Variants in EXOC4 observed in about 807,000 individuals in gnomAD.
EXOC4 encodes the protein SEC8-like 1.
In EXOC4, 71 loss-of-function variants were observed where a neutral mutation model predicts 107.2. The observed-to-expected ratio is 0.66, with a 90% CI of 0.55 to 0.81. The LOEUF (loss-of-function observed/expected upper bound fraction) is 0.81. Ranked by LOEUF, EXOC4 falls within the 30% of genes least tolerant of loss-of-function variation. EXOC4 has a pLI of 0.00. For missense variants in EXOC4, 1,108 were observed against 1,189.6 expected (o/e 0.93, Z 1.01); for synonymous variants, 456 against 441.2 (o/e 1.03, Z -0.42).
chr7:133,439,888 T>C (rs987900882), intron 7 of EXOC4, among the ~76,000 whole-genome samples: 1 of 152,216 alleles, frequency 6.6e-6, no homozygotes, highest in Non-Finnish European at 1.5e-5. Context: ...TCAGGGAGAC[T>C]ATAACTCATT....
intron 17 of EXOC4, among the ~76,000 whole-genome samples, chr7:134,057,674 AGT>A (rs1445634356): frequency 1.3e-5 from 2 of 152,116 alleles, no homozygotes; most frequent in East Asian, 3.9e-4. Context: ...ACTTGTTCAG[AGT>A]GTTTTCAAGT....
intron 9 of EXOC4, among the ~76,000 whole-genome samples, chr7:133,493,022 T>G (rs190171535): frequency 7.2e-5 from 11 of 152,302 alleles, no homozygotes; most frequent in African/African-American, 2.4e-4. Context: ...TTGGGCACAG[T>G]AACTCCTTCT....
chr7:133,492,072 G>A (rs1016791656), intron 9 of EXOC4, among the ~76,000 whole-genome samples: 3 of 152,172 alleles, frequency 2.0e-5, no homozygotes, highest in African/African-American at 7.2e-5. Context: ...GTCCTCCAAA[G>A]GTTTAAAGTA....
intron 7 of EXOC4, among the ~76,000 whole-genome samples, chr7:133,408,300 A>G (rs1407340136): frequency 7.5e-6 from 1 of 133,632 alleles, no homozygotes; most frequent in Non-Finnish European, 1.6e-5. Context: ...GTGATGATGG[A>G]GGTATTGGTG....
At chr7:133,898,467 C>T (rs959193145) in intron 12 of EXOC4, among the ~76,000 whole-genome samples, 2 of 151,938 alleles carry the variant, frequency 1.3e-5, no homozygotes, top group Non-Finnish European at 2.9e-5. Flanking sequence ...AAACTTAGGC[C>T]CGATGCAGTG....
chr7:133,928,114 T>C (rs957634887), intron 13 of EXOC4, among the ~76,000 whole-genome samples: 1 of 152,258 alleles, frequency 6.6e-6, no homozygotes, highest in Non-Finnish European at 1.5e-5. Context: ...ATTTTAGATA[T>C]AATTATTTAA....
At chr7:133,511,025 C>A (rs1346134881) in intron 9 of EXOC4, among the ~76,000 whole-genome samples, 1 of 151,630 alleles carries the variant, frequency 6.6e-6, no homozygotes, top group East Asian at 1.9e-4. Flanking sequence ...TTTCTCTTTT[C>A]TTTACTGGTA....
At chr7:133,745,826 A>G (rs2151133104) in intron 10 of EXOC4, among the ~76,000 whole-genome samples, 1 of 151,864 alleles carries the variant, frequency 6.6e-6, no homozygotes, top group East Asian at 1.9e-4. Context: ...TTTAAATGAG[A>G]AAGGACTCAA....
chr7:133,556,493 A>C (rs1341291208), intron 9 of EXOC4, among the ~76,000 whole-genome samples: 1 of 151,998 alleles, frequency 6.6e-6, no homozygotes, highest in African/African-American at 2.4e-5. Flanking sequence ...CAAATTCATG[A>C]CTCCCACACT....
chr7:133,863,723 C>A (rs1403721197), intron 11 of EXOC4, among the ~76,000 whole-genome samples: 3 of 152,070 alleles, frequency 2.0e-5, no homozygotes, highest in Non-Finnish European at 4.4e-5. Context: ...AAACATATTG[C>A]CAAGAAAATC....
At chr7:133,493,656 C>A (rs73148993) in intron 9 of EXOC4, among the ~76,000 whole-genome samples, 22,003 of 152,044 alleles carry the variant, frequency 0.14, 1,989 homozygotes, top group Non-Finnish European at 0.2. Flanking sequence ...CTCCTCCCCC[C>A]ACCCCCATTT....
intron 14 of EXOC4, among the ~76,000 whole-genome samples, chr7:133,974,102 G>T (rs1793766343): frequency 1.3e-5 from 2 of 152,184 alleles, no homozygotes; most frequent in Admixed American, 6.5e-5. Context: ...TGGGGATTAA[G>T]TTTTCAGCCC....
intron 14 of EXOC4, among the ~76,000 whole-genome samples, chr7:133,993,804 G>A (rs987714063): frequency 8.5e-5 from 13 of 152,172 alleles, no homozygotes; most frequent in Non-Finnish European, 1.6e-4. Context: ...GGAGCAAGTG[G>A]TGGCCACAGC....
At chr7:133,647,036 T>C (rs943549494) in intron 10 of EXOC4, among the ~76,000 whole-genome samples, 1 of 152,150 alleles carries the variant, frequency 6.6e-6, no homozygotes, top group Non-Finnish European at 1.5e-5. Flanking sequence ...AGGAGTCAAA[T>C]TACCGATGCA....
chr7:133,958,060 G>A (rs1047032668), intron 14 of EXOC4, among the ~76,000 whole-genome samples: 11 of 152,158 alleles, frequency 7.2e-5, no homozygotes, highest in Admixed American at 6.5e-5. Flanking sequence ...TGTTGACAGG[G>A]CCAGTATCAG....
intron 9 of EXOC4, among the ~76,000 whole-genome samples, chr7:133,528,232 CTGTATAAT>C (rs1259125085): frequency 1.2e-4 from 19 of 152,230 alleles, no homozygotes; most frequent in African/African-American, 4.3e-4. Flanking sequence ...TTGAAAGAAG[CTGTATAAT>C]AAACCTAAAT....
At chr7:133,427,486 T>G (rs548466700) in intron 7 of EXOC4, among the ~76,000 whole-genome samples, 13 of 152,200 alleles carry the variant, frequency 8.5e-5, no homozygotes, top group South Asian at 8.3e-4. Context: ...GATTTTTCTT[T>G]TAATTTTTGG....
intron 10 of EXOC4, among the ~76,000 whole-genome samples, chr7:133,723,310 C>A (rs1237106223): frequency 6.6e-6 from 1 of 152,212 alleles, no homozygotes; most frequent in Non-Finnish European, 1.5e-5. Flanking sequence ...TGAGCAATTG[C>A]TTTCACTCTT....
chr7:133,444,425 G>T (rs1798172003), intron 7 of EXOC4, among the ~76,000 whole-genome samples: 1 of 152,080 alleles, frequency 6.6e-6, no homozygotes, highest in African/African-American at 2.4e-5. Context: ...TATGTGTTGG[G>T]GCCACAGCAG....
Sources: allele counts gnomAD v4.1 joint callset (sites outside exome capture counted in the v4.1 genomes callset), GRCh38; gene constraint gnomAD v4.1.1; transcripts MANE v1.5; gene names NCBI Gene and HGNC (gene_info 2026-07-23, HGNC 2026-07-21).